Variants in DPP10 observed in about 807,000 individuals in gnomAD.
DPP10 encodes dipeptidyl peptidase like 10.
In DPP10, 33 loss-of-function variants were observed where a neutral mutation model predicts 120.9. The ratio of observed to expected loss-of-function variants is 0.27; its 90% CI spans 0.21 to 0.37. The LOEUF (loss-of-function observed/expected upper bound fraction) is 0.37. Among genes scored for constraint, DPP10 ranks in the 10% least tolerant of loss-of-function variants. DPP10 has a pLI of 1.00. For missense variants in DPP10, 816 were observed against 942.8 expected (o/e 0.87, Z 1.76); for synonymous variants, 337 against 326.1 (o/e 1.03, Z -0.36).
chr2:114,607,930 G>A (rs753757081), intron 1 of DPP10, among the ~76,000 whole-genome samples: 5 of 152,186 alleles, frequency 3.3e-5, no homozygotes, highest in Non-Finnish European at 5.9e-5. Context: ...CAGTGCAGGG[G>A]TTGGAGGATT....
At chr2:115,132,089 A>AAATAAT (rs1302169872) in intron 1 of DPP10, among the ~76,000 whole-genome samples, 1 of 152,022 alleles carries the variant, frequency 6.6e-6, no homozygotes, top group African/African-American at 2.4e-5. Context: ...CGCCATCTCA[A>AAATAAT]AATAATAATA....
At chr2:115,229,217 C>A (rs2057604469) in intron 1 of DPP10, among the ~76,000 whole-genome samples, 1 of 151,982 alleles carries the variant, frequency 6.6e-6, no homozygotes, top group Admixed American at 6.6e-5. Flanking sequence ...TTTTTAATTG[C>A]ATTATTAGAC....
chr2:115,131,293 T>C (rs1358915626), intron 1 of DPP10, among the ~76,000 whole-genome samples: 1 of 152,162 alleles, frequency 6.6e-6, no homozygotes, highest in African/African-American at 2.4e-5. Context: ...GGCAGGAGCA[T>C]TACTTGATTC....
chr2:115,496,912 G>C lies in DPP10; in HGVS notation c.272-2598G>C, dbSNP rs184354441. 1.2e-4 allele frequency among the ~76,000 whole-genome samples: 19 copies of C among 152,156 alleles called. No homozygotes were observed. The South Asian group carries it at 3.9e-3, about 32-fold the overall frequency. ...GTGGGCATGGGACTAGGGAATGGAT[G>C]CTGCTGATTGGTTGGGGGGGATGCA... On this transcript the variant is annotated intron_variant, in intron 3 of 25. Coordinates refer to ENST00000410059, the MANE Select transcript of DPP10 (RefSeq NM_020868.6).
intron 2 of DPP10, among the ~76,000 whole-genome samples, chr2:115,327,242 G>A (rs1473710312): frequency 6.6e-6 from 1 of 151,990 alleles, no homozygotes; most frequent in Admixed American, 6.6e-5. Context: ...GTAGACTTTA[G>A]CATCTGGGTT....
At chr2:115,752,043 A>C (rs1012955727) in intron 10 of DPP10, among the ~76,000 whole-genome samples, 1 of 152,102 alleles carries the variant, frequency 6.6e-6, no homozygotes, top group South Asian at 2.1e-4. Context: ...CGTGATCCAC[A>C]CGCCTTGGCC....
In DPP10 at chr2:115,488,758, A is replaced by G. The variant is rs1217686377; in HGVS notation, c.272-10752A>G. On this transcript the variant is annotated intron_variant, in intron 3 of 25. Coordinates refer to ENST00000410059, the MANE Select transcript of DPP10 (RefSeq NM_020868.6). ...GGTCGGGGGAGGGGGGAGGGATAGC[A>G]TTGGGAGATATACCTAATGCTAGAT... 1.1e-4 allele frequency among the ~76,000 whole-genome samples: 14 copies of G among 129,284 alleles called. No individual in the cohort carries two copies. The Admixed American group carries it at 1.1e-3, about 10-fold the overall frequency. 84.8% of individuals were successfully genotyped at this position (129,284 alleles called of 152,430 possible).
chr2:114,552,791 C>T (rs978723327), intron 1 of DPP10, among the ~76,000 whole-genome samples: 3 of 152,108 alleles, frequency 2.0e-5, no homozygotes, highest in African/African-American at 7.2e-5. Flanking sequence ...GGTGATCCAC[C>T]CACCTTCGCC....
chr2:115,154,749 C>T (rs2051786642), intron 1 of DPP10, among the ~76,000 whole-genome samples: 1 of 151,980 alleles, frequency 6.6e-6, no homozygotes, highest in African/African-American at 2.4e-5. Flanking sequence ...CCTGAGCACA[C>T]ACACACAGTT....
chr2:115,516,692 A>G (rs2077522615), intron 4 of DPP10, among the ~76,000 whole-genome samples: 2 of 150,974 alleles, frequency 1.3e-5, no homozygotes, highest in African/African-American at 4.9e-5. Flanking sequence ...AAATTAGAGG[A>G]TGGAGATATT....
At chr2:115,439,776 G>A (rs534787272) in intron 3 of DPP10, among the ~76,000 whole-genome samples, 2 of 152,140 alleles carry the variant, frequency 1.3e-5, no homozygotes, top group African/African-American at 2.4e-5. Flanking sequence ...TGAGTTAGAC[G>A]GCAAAATAGA....
At chr2:114,444,410 A>G (rs1271941367) in intron 1 of DPP10, among the ~76,000 whole-genome samples, 1 of 152,198 alleles carries the variant, frequency 6.6e-6, no homozygotes, top group African/African-American at 2.4e-5. Flanking sequence ...AGAATGCTAT[A>G]ACAAAACCAG....
At chr2:114,477,857 A>ATGTG (rs1680584892) in intron 1 of DPP10, among the ~76,000 whole-genome samples, 4 of 150,500 alleles carry the variant, frequency 2.7e-5, no homozygotes, top group East Asian at 1.9e-4. Flanking sequence ...ATGTATAAAT[A>ATGTG]TATGTATATA....
intron 1 of DPP10, among the ~76,000 whole-genome samples, chr2:115,004,758 G>T (rs1273382553): frequency 6.6e-6 from 1 of 152,182 alleles, no homozygotes; most frequent in African/African-American, 2.4e-5. Flanking sequence ...AGCAGTCTGA[G>T]ATCAAACTGC....
At chr2:115,790,724 C>T (rs1468028811) in intron 17 of DPP10, among the ~76,000 whole-genome samples, 1 of 152,122 alleles carries the variant, frequency 6.6e-6, no homozygotes, top group Non-Finnish European at 1.5e-5. Flanking sequence ...GTGTCCTCAT[C>T]CTGTGTTTCT....
intron 2 of DPP10, among the ~76,000 whole-genome samples, chr2:115,319,917 G>A (rs1337567317): frequency 6.6e-6 from 1 of 152,082 alleles, no homozygotes; most frequent in Admixed American, 6.6e-5. Flanking sequence ...TCTTTTATAA[G>A]GGTATTAATT....
intron 1 of DPP10, among the ~76,000 whole-genome samples, chr2:114,550,839 A>G (rs1687826569): frequency 6.6e-6 from 1 of 152,194 alleles, no homozygotes; most frequent in African/African-American, 2.4e-5. Context: ...CAACTGAATC[A>G]TGGGGGCACG....
chr2:114,958,919 A>G (rs1698411965), intron 1 of DPP10, among the ~76,000 whole-genome samples: 1 of 152,182 alleles, frequency 6.6e-6, no homozygotes, highest in South Asian at 2.1e-4. Flanking sequence ...TCATTGATGT[A>G]GATCACTCTA....
chr2:115,705,090 T>G (rs1202606580), intron 7 of DPP10, among the ~76,000 whole-genome samples: 1 of 151,978 alleles, frequency 6.6e-6, no homozygotes, highest in East Asian at 1.9e-4. Flanking sequence ...TCTTAAAATT[T>G]TATTAAAACC....
Sources: gnomAD v4.1 joint callset for allele counts (sites outside exome capture counted in the v4.1 genomes callset) on GRCh38, gnomAD v4.1.1 for gene constraint, MANE v1.5 for transcripts, NCBI Gene and HGNC (gene_info 2026-07-23, HGNC 2026-07-21) for gene names.